ARHGAP20: variants seen among roughly 807,000 people sequenced by gnomAD.
ARHGAP20 encodes the protein rho GTPase-activating protein 20.
In ARHGAP20, 34 loss-of-function variants were observed where a neutral mutation model predicts 73.7. That is an observed-to-expected ratio of 0.46 (90% CI 0.35 to 0.61). The LOEUF is 0.61. ARHGAP20 is among the 20% of genes least tolerant of loss of function. The pLI is 0.00. For missense variants in ARHGAP20, 1,314 were observed against 1,420.9 expected (o/e 0.92, Z 1.21); for synonymous variants, 523 against 518.2 (o/e 1.01, Z -0.13).
At chr11:110,592,286 T>G in intron 9 of ARHGAP20, 131 bp from the exon 10 acceptor site, 1 of 742,582 alleles carries the variant, frequency 1.3e-6, no homozygotes. Flanking sequence ...GCTTTTGTCA[T>G]TGACAATTCA....
intron 1 of ARHGAP20, among the ~76,000 whole-genome samples, chr11:110,696,807 A>G (rs1374075581): frequency 2.6e-5 from 4 of 151,748 alleles, no homozygotes; most frequent in African/African-American, 9.7e-5. Flanking sequence ...CCCACTTATT[A>G]GTGAGAATAT....
intron 2 of ARHGAP20, among the ~76,000 whole-genome samples, chr11:110,688,120 C>G (rs1466596093): frequency 6.6e-6 from 1 of 152,130 alleles, no homozygotes; most frequent in Non-Finnish European, 1.5e-5. Flanking sequence ...AGGGGACTTT[C>G]AAAAGCTATG....
intron 8 of ARHGAP20, 52 bp from the exon 9 acceptor site, chr11:110,606,801 C>T (rs1185594626): frequency 2.1e-6 from 3 of 1,436,446 alleles, no homozygotes; most frequent in Non-Finnish European, 2.8e-6. Context: ...GTACTGTTAG[C>T]ATGTGTACTG....
chr11:110,620,871 A>T (rs1948613626), intron 4 of ARHGAP20, among the ~76,000 whole-genome samples: 1 of 152,084 alleles, frequency 6.6e-6, no homozygotes, highest in Non-Finnish European at 1.5e-5. Context: ...CAGGAGTTTG[A>T]GACCAGTCTG....
intron 2 of ARHGAP20, among the ~76,000 whole-genome samples, chr11:110,673,495 C>A (rs1433145446): frequency 6.6e-6 from 1 of 152,004 alleles, no homozygotes; most frequent in Admixed American, 6.5e-5. Flanking sequence ...AAAATTATGG[C>A]CATAAAAGAA....
rs1030309011 is a variant in ARHGAP20 at position 110,582,554 on chromosome 11, C to T, written c.1606-119G>A. On this transcript the variant is annotated intron_variant, in intron 13 of 14. Coordinates refer to ENST00000683387, the MANE Select transcript of ARHGAP20 (RefSeq NM_001384657.1). The stretch of plus-strand genomic sequence containing the variant: ...CATCTACCCAGAGAAAAATTCATAT[C>T]GGCTTTAAAAGTACATTAAACAGTT... 487 of 642,048 alleles carry T rather than the reference C, an allele frequency of 7.6e-4. 5 individuals are homozygous for T. The highest frequency in any genetic ancestry group is 1.3e-4 in the Non-Finnish European group (48 of 373,298). The allele number at this position is 642,048 out of a possible 1,614,324, so 39.8% of individuals were successfully genotyped here. A position where few individuals can be genotyped will look rare whatever the true frequency, so the allele number is the denominator to read the frequency against.
intron 2 of ARHGAP20, among the ~76,000 whole-genome samples, chr11:110,664,597 G>A (rs531222922): frequency 1.3e-5 from 2 of 151,568 alleles, no homozygotes; most frequent in African/African-American, 4.8e-5. Flanking sequence ...GCGTTGTGGC[G>A]GGTGCCTGTA....
chr11:110,585,096 T>C (rs896414315), intron 12 of ARHGAP20, among the ~76,000 whole-genome samples: 3 of 148,596 alleles, frequency 2.0e-5, no homozygotes, highest in Non-Finnish European at 3.0e-5. Flanking sequence ...TATATGTGAA[T>C]ATATGAATAT....
intron 1 of ARHGAP20, among the ~76,000 whole-genome samples, chr11:110,702,908 T>G (rs1950482863): frequency 6.6e-6 from 1 of 152,130 alleles, no homozygotes; most frequent in Admixed American, 6.5e-5. Flanking sequence ...TGGAAGAACA[T>G]TCCATGCTCA....
intron 1 of ARHGAP20, among the ~76,000 whole-genome samples, chr11:110,711,053 G>T (rs1224199100): frequency 6.6e-6 from 1 of 150,594 alleles, no homozygotes; most frequent in African/African-American, 2.5e-5. Flanking sequence ...TGCTGGAAGC[G>T]GGGGTGGGGA....
intron 1 of ARHGAP20, among the ~76,000 whole-genome samples, chr11:110,709,727 G>A (rs1323676883): frequency 6.6e-6 from 1 of 152,194 alleles, no homozygotes; most frequent in African/African-American, 2.4e-5. Flanking sequence ...CACAAACAAG[G>A]GGGGGATGCA....
chr11:110,705,698 A>C (rs541801694), intron 1 of ARHGAP20, among the ~76,000 whole-genome samples: 1 of 152,150 alleles, frequency 6.6e-6, no homozygotes, highest in Non-Finnish European at 1.5e-5. Context: ...TTTCCTCCAG[A>C]CTCAGTGGAG....
At chr11:110,635,285 T>G (rs938223102) in intron 2 of ARHGAP20, among the ~76,000 whole-genome samples, 2 of 152,092 alleles carry the variant, frequency 1.3e-5, no homozygotes, top group African/African-American at 4.8e-5. Context: ...GGGAACATGT[T>G]TTAAAAATGC....
At chr11:110,647,849 A>T (rs1158274382) in intron 2 of ARHGAP20, among the ~76,000 whole-genome samples, 1 of 151,992 alleles carries the variant, frequency 6.6e-6, no homozygotes, top group African/African-American at 2.4e-5. Context: ...CATATGTTAC[A>T]GAAAATTCTC....
intron 3 of ARHGAP20, among the ~76,000 whole-genome samples, chr11:110,626,924 A>C (rs1948755810): frequency 1.3e-5 from 2 of 152,048 alleles, no homozygotes; most frequent in Admixed American, 1.3e-4. Flanking sequence ...GCTTCTTCAG[A>C]TTTTTCCACT....
In ARHGAP20 at chr11:110,674,445, G is replaced by A. The variant is rs542900759; in HGVS notation, c.188+16102C>T. Among the ~76,000 whole-genome samples the A allele has an allele frequency of 2.6e-5, 4 of 152,190 alleles. No homozygotes were observed. The South Asian group carries it at 6.2e-4, about 24-fold the overall frequency. On this transcript the variant is annotated intron_variant, in intron 2 of 14. Transcript: ENST00000683387. ...TTGGAAACAATTTGAGCGCCTACAC[G>A]ATGGCATAAGTGGAAAATCCCATAC...
chr11:110,647,652 T>G (rs970409398), intron 2 of ARHGAP20, among the ~76,000 whole-genome samples: 2 of 152,150 alleles, frequency 1.3e-5, no homozygotes, highest in African/African-American at 2.4e-5. Context: ...GAAAAAAATT[T>G]GTTAAAAAGA....
intron 1 of ARHGAP20, among the ~76,000 whole-genome samples, chr11:110,701,655 C>T (rs964922301): frequency 6.6e-5 from 10 of 152,098 alleles, no homozygotes; most frequent in African/African-American, 1.9e-4. Context: ...GAAGTCCTTG[C>T]CCATGCCTAT....
chr11:110,648,353 C>CAT (rs59524567), intron 2 of ARHGAP20, among the ~76,000 whole-genome samples: 98,996 of 146,376 alleles, frequency 0.68, 35,373 homozygotes, highest in African/African-American at 0.91. Context: ...TGTGTGTATA[C>CAT]ATATATATAT....
Sources: allele counts gnomAD v4.1 joint callset (sites outside exome capture counted in the v4.1 genomes callset), GRCh38; gene constraint gnomAD v4.1.1; transcripts MANE v1.5; gene names NCBI Gene and HGNC (gene_info 2026-07-23, HGNC 2026-07-21).